The following PAG1 variants were observed in gnomAD, a reference collection of about 807,000 sequenced individuals.
The protein encoded by PAG1 is phosphoprotein membrane anchor with glycosphingolipid microdomains 1.
Under a neutral mutation model 31.7 loss-of-function variants are expected in PAG1, and 23 were observed. That is an observed-to-expected ratio of 0.73 (90% CI 0.52 to 1.03). The LOEUF (loss-of-function observed/expected upper bound fraction) is 1.03. PAG1 is among the 50% of genes least tolerant of loss of function. The probability of loss-of-function intolerance (pLI) is 0.00; values close to 1 mark genes in which losing one functional copy is unlikely to be tolerated. For synonymous variants in PAG1, 214 were observed against 210.3 expected, an observed-to-expected ratio of 1.02 and a Z score of -0.15; for missense variants, 473 against 540.7, an observed-to-expected ratio of 0.87 and a Z score of 1.24.
chr8:81,025,158 T>C (rs1261845073), intron 3 of PAG1, among the ~76,000 whole-genome samples: 1 of 152,158 alleles, frequency 6.6e-6, no homozygotes, highest in African/African-American at 2.4e-5. Flanking sequence ...GATTTCTTTT[T>C]TTTTTTTACC....
At chr8:81,076,714 T>A (rs892587759) in intron 1 of PAG1, among the ~76,000 whole-genome samples, 2 of 152,188 alleles carry the variant, frequency 1.3e-5, no homozygotes, top group African/African-American at 4.8e-5. Flanking sequence ...AGAAAATAAA[T>A]ATCCTAGGGC....
intron 2 of PAG1, among the ~76,000 whole-genome samples, chr8:81,058,353 T>A (rs75974745): frequency 0.16 from 24,300 of 152,082 alleles, 2,257 homozygotes; most frequent in African/African-American, 0.25. Flanking sequence ...AAAAACAAAT[T>A]AAAAAATGCC....
chr8:81,047,684 T>G (rs1401708101), intron 2 of PAG1, among the ~76,000 whole-genome samples: 1 of 152,244 alleles, frequency 6.6e-6, no homozygotes, highest in Non-Finnish European at 1.5e-5. Context: ...AAATGTCTTT[T>G]AGAGGTAGCT....
At chr8:81,009,632 T>C (rs1281945252) in intron 3 of PAG1, among the ~76,000 whole-genome samples, 3 of 152,188 alleles carry the variant, frequency 2.0e-5, no homozygotes, top group Non-Finnish European at 2.9e-5. Flanking sequence ...CAACTTTTTT[T>C]TTAAGACAAG....
intron 2 of PAG1, among the ~76,000 whole-genome samples, chr8:81,034,149 A>C (rs1808425081): frequency 6.6e-6 from 1 of 152,236 alleles, no homozygotes; most frequent in Non-Finnish European, 1.5e-5. Context: ...AATCAACCCC[A>C]CTTGATACTT....
chr8:81,048,787 T>C (rs1419364189), intron 2 of PAG1, among the ~76,000 whole-genome samples: 2 of 152,216 alleles, frequency 1.3e-5, no homozygotes, highest in East Asian at 3.8e-4. Flanking sequence ...TAAAAGCTGT[T>C]GTGAGATTGT....
At chr8:81,078,254 A>T (rs1809209331) in intron 1 of PAG1, among the ~76,000 whole-genome samples, 1 of 152,232 alleles carries the variant, frequency 6.6e-6, no homozygotes, top group Non-Finnish European at 1.5e-5. Context: ...ATTACTAAAG[A>T]CATTTTGTAG....
At chr8:81,039,980 G>C (rs1186611942) in intron 2 of PAG1, among the ~76,000 whole-genome samples, 1 of 152,112 alleles carries the variant, frequency 6.6e-6, no homozygotes, top group African/African-American at 2.4e-5. Flanking sequence ...AGCTCTGTAA[G>C]AATTTATATC....
intron 3 of PAG1, among the ~76,000 whole-genome samples, chr8:81,020,587 G>A (rs753446492): frequency 2.6e-5 from 4 of 152,114 alleles, no homozygotes; most frequent in Non-Finnish European, 5.9e-5. Context: ...CCATGATTAT[G>A]AGGCCTCCCA....
chr8:81,058,025 A>G (rs1179093913), intron 2 of PAG1, among the ~76,000 whole-genome samples: 1 of 152,148 alleles, frequency 6.6e-6, no homozygotes, highest in Non-Finnish European at 1.5e-5. Context: ...AGGTATCAAA[A>G]ACTTGCCAAG....
At chr8:81,109,783 C>G (rs1277612823) in intron 1 of PAG1, among the ~76,000 whole-genome samples, 2 of 152,162 alleles carry the variant, frequency 1.3e-5, no homozygotes, top group Non-Finnish European at 2.9e-5. Flanking sequence ...TACTGTCATC[C>G]CCATTGTACA....
At chr8:80,981,896 C>T (rs1259883118) in intron 7 of PAG1, among the ~76,000 whole-genome samples, 3 of 128,730 alleles carry the variant, frequency 2.3e-5, no homozygotes, top group African/African-American at 1.0e-4. Flanking sequence ...GACAGCGTCT[C>T]ACTCTGCCAT....
chr8:81,051,554 C>T (rs1366614659), intron 2 of PAG1, among the ~76,000 whole-genome samples: 3 of 152,096 alleles, frequency 2.0e-5, no homozygotes, highest in Non-Finnish European at 2.9e-5. Flanking sequence ...GTCATTAGGA[C>T]GACTGAACAT....
At chr8:81,046,403 A>C (rs576682773) in intron 2 of PAG1, among the ~76,000 whole-genome samples, 36 of 152,250 alleles carry the variant, frequency 2.4e-4, no homozygotes, top group African/African-American at 8.4e-4. Context: ...TCCCCAGTGA[A>C]ATTTCAAACT....
At chr8:81,095,079 T>C (rs1354499323) in intron 1 of PAG1, among the ~76,000 whole-genome samples, 1 of 152,210 alleles carries the variant, frequency 6.6e-6, no homozygotes, top group Non-Finnish European at 1.5e-5. Context: ...ATCAGGTCAT[T>C]TGAAGTTTTA....
intron 2 of PAG1, among the ~76,000 whole-genome samples, chr8:81,053,950 C>G (rs146205830): frequency 6.6e-6 from 1 of 152,180 alleles, no homozygotes; most frequent in African/African-American, 2.4e-5. Flanking sequence ...GGATCTCTCA[C>G]ATCTACTCAC....
chr8:81,076,712 A>G (rs1338614041), intron 1 of PAG1, among the ~76,000 whole-genome samples: 1 of 152,202 alleles, frequency 6.6e-6, no homozygotes, highest in Non-Finnish European at 1.5e-5. Flanking sequence ...TAAGAAAATA[A>G]ATATCCTAGG....
rs1202553288 is a variant in PAG1, at chr8:80,976,406, A to T, written c.*138T>A. On this transcript the variant is annotated 3_prime_UTR_variant, in exon 9 of 9. Coordinates refer to ENST00000220597, the MANE Select transcript of PAG1 (RefSeq NM_018440.4). ...TCAGAAACTGAACAACTGGGAGAAC[A>T]GTCGACAGGGCCTCTCCAACCATCT... is the stretch of plus-strand genomic sequence containing the variant. 1.2e-6 allele frequency: 1 copy of T among 826,836 alleles called. No individual in the cohort carries two copies. Among genetic ancestry groups the T allele is most frequent in the African/African-American group, 1.7e-5 (1 of 58,540 alleles). 51.2% of individuals were successfully genotyped at this position (826,836 alleles called of 1,614,324 possible).
At chr8:80,979,025 C>T (rs1807241895) in intron 8 of PAG1, among the ~76,000 whole-genome samples, 1 of 152,164 alleles carries the variant, frequency 6.6e-6, no homozygotes, top group East Asian at 1.9e-4. Context: ...CAGATCTCAG[C>T]TTCAGTCTGG....
Sources: allele counts gnomAD v4.1 joint callset (sites outside exome capture counted in the v4.1 genomes callset), GRCh38; gene constraint gnomAD v4.1.1; transcripts MANE v1.5; gene names NCBI Gene and HGNC (gene_info 2026-07-23, HGNC 2026-07-21).